Variants in ATAD3B observed in about 807,000 individuals in gnomAD.
The protein encoded by ATAD3B is ATPase family AAA domain-containing protein 3B.
ATAD3B carries 59 observed loss-of-function variants against 70.2 expected under a neutral mutation model. The observed-to-expected ratio is 0.84, with a 90% CI of 0.68 to 1.04. ATAD3B has a LOEUF of 1.04. Among genes scored for constraint, ATAD3B ranks in the 50% least tolerant of loss-of-function variants. ATAD3B has a pLI of 0.00. For synonymous variants in ATAD3B, 423 were observed against 388.6 expected, an observed-to-expected ratio of 1.09 and a Z score of -1.04; for missense variants, 961 against 913.4, an observed-to-expected ratio of 1.05 and a Z score of -0.67.
At chr1:1,475,025 C>T (rs1380986941) in intron 1 of ATAD3B, among the ~76,000 whole-genome samples, 1 of 149,114 alleles carries the variant, frequency 6.7e-6, no homozygotes, top group East Asian at 1.9e-4. Context: ...CTGCGGCCCC[C>T]TGCAGTGGTA....
At position 1,484,879 on chromosome 1, in the gene ATAD3B, G is replaced by A. The variant is rs567820612; in HGVS notation, c.751-137G>A. ...CTGTGGGATTCGGGGCTGGGAATTCGGGTTCCTGTGGGGCCAGCACACGGC... is the reference window on the plus strand; with the variant it reads ...CTGTGGGATTCGGGGCTGGGAATTCAGGTTCCTGTGGGGCCAGCACACGGC... On this transcript the variant is annotated intron_variant, in intron 7 of 15. Transcript: ENST00000673477. 823 of 1,427,406 alleles carry A rather than the reference G, an allele frequency of 5.8e-4. 14 individuals carry two copies. Among genetic ancestry groups the A allele is most frequent in the Non-Finnish European group, 7.3e-4 (790 of 1,080,938 alleles). The allele number at this position is 1,427,406 out of a possible 1,614,324, so 88.4% of individuals were successfully genotyped here.
At chr1:1,487,959 G>T in intron 12 of ATAD3B, 45 bp downstream of exon 12, 1 of 1,609,296 alleles carries the variant, frequency 6.2e-7, no homozygotes. Flanking sequence ...GGGTGGTCGG[G>T]TGGGCGCGGC....
At chr1:1,474,717 G>C (rs951953767) in intron 1 of ATAD3B, among the ~76,000 whole-genome samples, 2 of 151,908 alleles carry the variant, frequency 1.3e-5, no homozygotes, top group Non-Finnish European at 2.9e-5. Flanking sequence ...GTTTAGGCTG[G>C]TCTTGAATTC....
Position 1,486,639 on chromosome 1 carries a change from C to G in ATAD3B, c.1185C>G (p.Leu395=). ...AAGGCGTGACCGCCATGCACAAGCT[C>G]TTTGACTGGGCCAATACCAGCCGGC... is the stretch of plus-strand genomic sequence containing the variant. ...GREGVTAMHK[L]FDWANTSRRG... is the part of the protein sequence containing the mutation. Residue 395 remains leucine (L), a synonymous_variant, in exon 11 of 16, where the codon CTC becomes CTG. Transcript: ENST00000673477. The G allele has an allele frequency of 6.2e-7, 1 of 1,609,892 alleles. No homozygotes were observed. Among genetic ancestry groups the G allele is most frequent in the Non-Finnish European group, 8.5e-7 (1 of 1,178,568 alleles).
rs544689221 is a variant in ATAD3B at position 1,488,358 on chromosome 1, T to C, written c.1266+444T>C. Among the ~76,000 whole-genome samples the C allele has an allele frequency of 2.2e-3, 340 of 152,134 alleles. 7 individuals carry two copies. The highest frequency in any genetic ancestry group is 4.2e-3 in the Non-Finnish European group (285 of 67,956). ...CTCCTGCCTCAGCCTCCCGAGAAGC[T>C]GGGATTGCAGAGGCACACTAACACG... On this transcript the variant is annotated intron_variant, in intron 12 of 15. Coordinates refer to ENST00000673477, the MANE Select transcript of ATAD3B (RefSeq NM_031921.6).
intron 15 of ATAD3B, among the ~76,000 whole-genome samples, chr1:1,493,713 C>T (rs957626696): frequency 3.3e-5 from 5 of 151,884 alleles, no homozygotes; most frequent in Non-Finnish European, 4.4e-5. Context: ...CCTTCCTCCA[C>T]TCTGCTAATA....
intron 11 of ATAD3B, 81 bp from the exon 12 acceptor site, chr1:1,487,782 C>T (rs1203421282): frequency 1.9e-6 from 3 of 1,548,298 alleles, no homozygotes; most frequent in South Asian, 1.1e-5. Context: ...CCTGCCTGGC[C>T]TGCTCCTGCC....
Position 1,495,531 on chromosome 1 carries a change from T to C in ATAD3B, c.1661T>C (p.Met554Thr), listed in dbSNP as rs761732295. ...GACGGGGTCCTCACTGAGGCCATGA[T>C]GGACGCCTGTGTGCAAGATGCTGTC... ...SKDGVLTEAM[M>T]DACVQDAVQQ... The change falls in exon 16 of 16, where the codon ATG becomes ACG. Residue 554 changes from methionine to threonine, a missense_variant. Coordinates refer to ENST00000673477, the MANE Select transcript of ATAD3B (RefSeq NM_031921.6). 6.2e-7 allele frequency: 1 copy of C among 1,612,574 alleles called. No homozygotes were observed. Among genetic ancestry groups the C allele is most frequent in the East Asian group, 2.2e-5 (1 of 44,870 alleles).
At chr1:1,487,335 A>G (rs2100577587) in intron 11 of ATAD3B, among the ~76,000 whole-genome samples, 1 of 151,868 alleles carries the variant, frequency 6.6e-6, no homozygotes, top group East Asian at 1.9e-4. Context: ...AAAAATACAA[A>G]AAATTAGCCA....
rs1463498781 is a variant in ATAD3B, at chr1:1,497,652, G to T, written c.*1835G>T. ...GAGGCCAAGGCGGGTGAATCATGAGGTCAGGAGTTTGAGACCATCCTGGCT... is the reference window on the plus strand; with the variant it reads ...GAGGCCAAGGCGGGTGAATCATGAGTTCAGGAGTTTGAGACCATCCTGGCT... On this transcript the variant is annotated 3_prime_UTR_variant, in exon 16 of 16. Transcript: ENST00000673477. 1 of 151,708 alleles carries T rather than the reference G, an allele frequency of 6.6e-6. No homozygotes were observed. 9.4% of individuals were successfully genotyped at this position (151,708 alleles called of 1,614,324 possible).
intron 7 of ATAD3B, chr1:1,484,451 G>A (rs1159521336): frequency 2.0e-5 from 3 of 152,774 alleles, no homozygotes; most frequent in Non-Finnish European, 2.9e-5. Context: ...AAAGTGCTGG[G>A]ATTACGGGCG....
At chr1:1,500,423 G>A (rs1570294594), downstream of ATAD3B, among the ~76,000 whole-genome samples, 2 of 148,586 alleles carry the variant, frequency 1.3e-5, no homozygotes, top group African/African-American at 4.9e-5. Context: ...GTGGTGGCGG[G>A]CACCTGTAGT....
At position 1,495,618 on chromosome 1, in the gene ATAD3B, AC is replaced by A; in HGVS notation, c.1753del (p.Leu585TyrfsTer135). On this transcript the variant is annotated frameshift_variant, in exon 16 of 16. Transcript: ENST00000673477. LOFTEE classifies it low-confidence loss of function (END_TRUNC). ...KAEGPGRGVE[H>X]PLSGVQGETL... ...GAGGGGCCTGGGCGCGGGGTCGAGC[AC>A]CCCCTATCCGGAGTCCAAGGCGAGA... 1 of 1,612,724 alleles carries A rather than the reference AC, an allele frequency of 6.2e-7. No homozygotes were observed. Among genetic ancestry groups the A allele is most frequent in the Non-Finnish European group, 8.5e-7 (1 of 1,179,398 alleles).
At chr1:1,482,919 T>G in intron 7 of ATAD3B, 2 of 515,064 alleles carry the variant, frequency 3.9e-6, no homozygotes, top group Non-Finnish European at 7.4e-6. Flanking sequence ...GAGGATCACT[T>G]AAGCCCAGGA....
At position 1,482,223 on chromosome 1, in the gene ATAD3B, G is replaced by A; in HGVS notation, c.600G>A (p.Glu200=). 1.2e-6 allele frequency: 2 copies of A among 1,611,428 alleles called. No homozygotes were observed. Among genetic ancestry groups the A allele is most frequent in the South Asian group, 2.2e-5 (2 of 90,910 alleles). Residue 200 remains glutamate, a synonymous_variant, in exon 6 of 16, where the codon GAG becomes GAA. Transcript: ENST00000673477. ...ETEARARAKA[E]RENADIIREQ... ...AGGCCCGGGCGCGCGCCAAGGCCGAGCGGGAGAATGCAGACATCATCCGCG... is the reference window on the plus strand; with the variant it reads ...AGGCCCGGGCGCGCGCCAAGGCCGAACGGGAGAATGCAGACATCATCCGCG...
chr1:1,479,662 C>T (rs1639796552), intron 4 of ATAD3B, among the ~76,000 whole-genome samples: 1 of 143,058 alleles, frequency 7.0e-6, no homozygotes, highest in Admixed American at 7.1e-5. Flanking sequence ...TATGCAGACA[C>T]ACCCAAACAC....
intron 12 of ATAD3B, among the ~76,000 whole-genome samples, chr1:1,488,698 G>T (rs1640369313): frequency 6.6e-6 from 1 of 151,996 alleles, no homozygotes; most frequent in Non-Finnish European, 1.5e-5. Flanking sequence ...GGCAGAGGTT[G>T]CAGTGAGCTG....
chr1:1,498,865 G>T (rs577236579), downstream of ATAD3B, among the ~76,000 whole-genome samples: 2 of 152,104 alleles, frequency 1.3e-5, no homozygotes, highest in South Asian at 4.2e-4. Context: ...TACTTCTATA[G>T]AAGGGGGCGT....
In ATAD3B at chr1:1,479,114, C is replaced by T. The variant is rs1487962140; in HGVS notation, c.444+6C>T. ...AGGACCAACTGAAGCAGCAGGTGAGCTCAGCCTCCCCTGCGAGGCGCCTGC... is the reference window on the plus strand; with the variant it reads ...AGGACCAACTGAAGCAGCAGGTGAGTTCAGCCTCCCCTGCGAGGCGCCTGC... On this transcript the variant is annotated splice_donor_region_variant and intron_variant, in intron 4 of 15. Coordinates refer to ENST00000673477, the MANE Select transcript of ATAD3B (RefSeq NM_031921.6). The T allele has an allele frequency of 8.3e-6, 9 of 1,078,306 alleles. No homozygotes were observed. The highest frequency in any genetic ancestry group is 2.8e-5 in the East Asian group (1 of 35,770). The allele number at this position is 1,078,306 out of a possible 1,614,324, so 66.8% of individuals were successfully genotyped here.
Sources: allele counts gnomAD v4.1 joint callset (sites outside exome capture counted in the v4.1 genomes callset), GRCh38; gene constraint gnomAD v4.1.1; transcripts MANE v1.5; gene names NCBI Gene and HGNC (gene_info 2026-07-23, HGNC 2026-07-21).